The following EYS variants were observed in gnomAD, a reference collection of about 807,000 sequenced individuals.
The protein encoded by EYS is protein eyes shut homolog.
Under a neutral mutation model 282.1 loss-of-function variants are expected in EYS, and 250 were observed. The ratio of observed to expected loss-of-function variants is 0.89; its 90% confidence interval spans 0.80 to 0.98. EYS has a LOEUF of 0.98. Among genes scored for constraint, EYS ranks in the 50% least tolerant of loss-of-function variants. The pLI, the probability that EYS is intolerant of heterozygous loss-of-function variation, is 0.00. For missense variants in EYS, 4,016 were observed against 3,709.0 expected, an observed-to-expected ratio of 1.08 and a Z score of -2.15; for synonymous variants, 1,355 against 1,282.9, an observed-to-expected ratio of 1.06 and a Z score of -1.20.
intron 36 of EYS, among the ~76,000 whole-genome samples, chr6:63,830,290 C>T (rs1453548483): frequency 1.3e-5 from 2 of 152,120 alleles, no homozygotes; most frequent in African/African-American, 4.8e-5. Flanking sequence ...GGAGGACATT[C>T]GAACCTATCG....
intron 22 of EYS, among the ~76,000 whole-genome samples, chr6:64,724,234 AC>A: frequency 6.6e-6 from 1 of 152,054 alleles, no homozygotes; most frequent in African/African-American, 2.4e-5. Flanking sequence ...CTTACAGAAA[AC>A]CCAATCTGCA....
chr6:65,374,060 T>A (rs906183312), intron 8 of EYS, among the ~76,000 whole-genome samples: 1 of 152,198 alleles, frequency 6.6e-6, no homozygotes, highest in Non-Finnish European at 1.5e-5. Flanking sequence ...TTTCATTAAT[T>A]TTTTGACAGT....
intron 5 of EYS, among the ~76,000 whole-genome samples, chr6:65,470,145 A>G (rs1223425471): frequency 1.3e-5 from 2 of 152,154 alleles, no homozygotes; most frequent in African/African-American, 4.8e-5. Context: ...TATTGTCTCC[A>G]ACTGAGTATC....
chr6:65,231,087 A>ATATATATATACTTTTATATATATGTATT (rs1562037875), intron 12 of EYS, among the ~76,000 whole-genome samples: 4 of 144,364 alleles, frequency 2.8e-5, no homozygotes, highest in Admixed American at 7.0e-5. Flanking sequence ...ATATATGTGT[A>ATATATATATACTTTTATATATATGTATT]TATATATATA....
At chr6:64,993,692 G>A (rs550024133) in intron 14 of EYS, among the ~76,000 whole-genome samples, 8 of 150,002 alleles carry the variant, frequency 5.3e-5, no homozygotes, top group Non-Finnish European at 8.9e-5. Flanking sequence ...TAACCTGCAC[G>A]TTGTGCACAT....
rs1400731311 is a variant in EYS, at chr6:64,439,324, A to G, written c.5673T>C (p.Asp1891=). The G allele has an allele frequency of 1.3e-6, 2 of 1,512,710 alleles. No individual in the cohort carries two copies. The highest frequency in any genetic ancestry group is 1.8e-6 in the Non-Finnish European group (2 of 1,133,246). 93.7% of individuals were successfully genotyped at this position (1,512,710 alleles called of 1,614,324 possible). The change falls in exon 27 of 43, where the codon GAT becomes GAC. Residue 1891 remains aspartate, a synonymous_variant. Coordinates refer to ENST00000503581, the MANE Select transcript of EYS (RefSeq NM_001142800.2). ...CCACATTCTGAAATTCTAGATAAGAATCTCCATAATAACGAACACAACTGA... is the reference window on the plus strand; with the variant it reads ...CCACATTCTGAAATTCTAGATAAGAGTCTCCATAATAACGAACACAACTGA... The part of the protein sequence containing the change: ...SDFSCVRYYG[D]SYLEFQNVAL...
intron 5 of EYS, among the ~76,000 whole-genome samples, chr6:65,474,907 T>A (rs1437225877): frequency 6.6e-6 from 1 of 151,876 alleles, no homozygotes; most frequent in African/African-American, 2.4e-5. Context: ...AGGAAAGAAA[T>A]GAGAGCTCCG....
intron 2 of EYS, among the ~76,000 whole-genome samples, chr6:65,613,822 A>T (rs184901412): frequency 2.6e-4 from 39 of 152,028 alleles, no homozygotes; most frequent in African/African-American, 7.0e-4. Flanking sequence ...TTTCATTTGT[A>T]ATATGATTTC....
At chr6:64,069,677 C>G (rs1771503075) in intron 32 of EYS, among the ~76,000 whole-genome samples, 1 of 151,928 alleles carries the variant, frequency 6.6e-6, no homozygotes, top group Admixed American at 6.6e-5. Context: ...CAGGATCACA[C>G]TATAAAGTAT....
At chr6:64,995,723 G>T (rs74704874) in intron 14 of EYS, among the ~76,000 whole-genome samples, 3 of 112,916 alleles carry the variant, frequency 2.7e-5, no homozygotes, top group South Asian at 2.8e-4. Flanking sequence ...CTTCCCCCCC[G>T]CCCCATATTC....
chr6:65,541,281 C>T (rs139486640), intron 2 of EYS, among the ~76,000 whole-genome samples: 44 of 152,162 alleles, frequency 2.9e-4, no homozygotes, highest in East Asian at 1.2e-3. Context: ...TTAAACATTG[C>T]GATTAATAGT....
At chr6:64,053,336 G>A (rs1770876571) in intron 33 of EYS, among the ~76,000 whole-genome samples, 1 of 151,934 alleles carries the variant, frequency 6.6e-6, no homozygotes, top group Non-Finnish European at 1.5e-5. Context: ...CCAAAATTAT[G>A]TTCAGTAATT....
intron 11 of EYS, chr6:65,330,726 G>C: frequency 3.2e-6 from 3 of 949,802 alleles, no homozygotes; most frequent in Non-Finnish European, 3.8e-6. Flanking sequence ...CTTATAAATT[G>C]AGTTTAATTG....
chr6:64,300,199 C>T (rs1007477207), intron 30 of EYS, among the ~76,000 whole-genome samples: 5 of 152,106 alleles, frequency 3.3e-5, no homozygotes, highest in Non-Finnish European at 7.4e-5. Context: ...GCTGGAGCCA[C>T]GTGGCCAAGT....
At chr6:65,322,606 C>A (rs1769504702) in intron 11 of EYS, among the ~76,000 whole-genome samples, 1 of 151,866 alleles carries the variant, frequency 6.6e-6, no homozygotes, top group Admixed American at 6.6e-5. Flanking sequence ...ACCATCCTGG[C>A]CAACATGGTG....
At chr6:64,028,060 C>G (rs1022748032) in intron 33 of EYS, among the ~76,000 whole-genome samples, 2 of 152,196 alleles carry the variant, frequency 1.3e-5, no homozygotes, top group African/African-American at 4.8e-5. Context: ...TTTTCACATG[C>G]CTTTCTTGTT....
At chr6:64,052,822 C>G (rs1167379592) in intron 33 of EYS, among the ~76,000 whole-genome samples, 1 of 152,156 alleles carries the variant, frequency 6.6e-6, no homozygotes, top group Non-Finnish European at 1.5e-5. Flanking sequence ...CACTCATTCT[C>G]TCTTCTGCCA....
chr6:64,623,127 T>G (rs983771122), intron 23 of EYS, among the ~76,000 whole-genome samples: 2 of 152,176 alleles, frequency 1.3e-5, no homozygotes, highest in African/African-American at 2.4e-5. Context: ...TTTTAATGAT[T>G]GGTCAATTCA....
intron 12 of EYS, among the ~76,000 whole-genome samples, chr6:65,158,079 G>T (rs540925823): frequency 3.3e-5 from 5 of 150,892 alleles, no homozygotes; most frequent in African/African-American, 1.2e-4. Flanking sequence ...AGGGGTGGTA[G>T]ATGATTTTCT....
Sources: allele counts gnomAD v4.1 joint callset (sites outside exome capture counted in the v4.1 genomes callset), GRCh38; gene constraint gnomAD v4.1.1; transcripts MANE v1.5; gene names NCBI Gene and HGNC (gene_info 2026-07-23, HGNC 2026-07-21).